TTC23: variants seen among roughly 807,000 people sequenced by gnomAD.
TTC23 encodes tetratricopeptide repeat domain 23.
Under a neutral mutation model 55.1 loss-of-function variants are expected in TTC23, and 58 were observed. The ratio of observed to expected loss-of-function variants is 1.05; its 90% CI spans 0.85 to 1.31. The LOEUF (loss-of-function observed/expected upper bound fraction) is 1.31, where lower values mean the gene tolerates loss of function less well. TTC23 is among the 50% of genes most tolerant of loss of function. TTC23 has a pLI of 0.00. For synonymous variants in TTC23, 203 were observed against 199.9 expected, an observed-to-expected ratio of 1.02 and a Z score of -0.13; for missense variants, 516 against 534.4, an observed-to-expected ratio of 0.97 and a Z score of 0.34.
chr15:99,211,850 C>A (rs2077063140), intron 8 of TTC23, among the ~76,000 whole-genome samples: 1 of 152,090 alleles, frequency 6.6e-6, no homozygotes, highest in Admixed American at 6.5e-5. Flanking sequence ...GCTTCTGACT[C>A]CAAAGACTAC....
At chr15:99,247,593 G>A (rs930420915) in intron 1 of TTC23, among the ~76,000 whole-genome samples, 1 of 152,126 alleles carries the variant, frequency 6.6e-6, no homozygotes, top group East Asian at 1.9e-4. Flanking sequence ...CTAAGTAAAA[G>A]AAACTAGATG....
rs879453365 is a variant in TTC23, at chr15:99,238,893, G to T, written c.-114+2472C>A. On this transcript the variant is annotated intron_variant, in intron 3 of 13. Coordinates refer to ENST00000394132, the MANE Select transcript of TTC23 (RefSeq NM_001288615.3). ...TACAGCACTTTTCCAGTCTTTTTTTGACCATGAGATTATCTTTTTTCTTGA... is the reference window on the plus strand; with the variant it reads ...TACAGCACTTTTCCAGTCTTTTTTTTACCATGAGATTATCTTTTTTCTTGA... 2.0e-5 allele frequency among the ~76,000 whole-genome samples: 3 copies of T among 150,826 alleles called. No homozygotes were observed. The East Asian group carries it at 5.8e-4, about 29-fold the overall frequency.
At chr15:99,240,684 A>T (rs1244893430) in intron 3 of TTC23, among the ~76,000 whole-genome samples, 2 of 152,224 alleles carry the variant, frequency 1.3e-5, no homozygotes, top group Non-Finnish European at 1.5e-5. Context: ...GTAGGAAAGT[A>T]GGTCTCTGTA....
intron 12 of TTC23, chr15:99,148,385 A>AAAAAAAAAAAAAAAAAAAC (rs1555495125): frequency 6.8e-6 from 1 of 146,176 alleles, no homozygotes; most frequent in African/African-American, 2.5e-5. Context: ...AAAAAAAAAA[A>AAAAAAAAAAAAAAAAAAAC]AAGACCTTCT....
chr15:99,238,828 T>C (rs911522375), intron 3 of TTC23, among the ~76,000 whole-genome samples: 2 of 152,218 alleles, frequency 1.3e-5, no homozygotes, highest in African/African-American at 4.8e-5. Flanking sequence ...CTCAAAACTT[T>C]AATATAATAC....
chr15:99,137,856 G>A lies in TTC23; in HGVS notation c.*154C>T. 8.1e-7 allele frequency: 1 copy of A among 1,228,184 alleles called. No homozygotes were observed. Among genetic ancestry groups the A allele is most frequent in the South Asian group, 1.5e-5 (1 of 64,844 alleles). The allele number at this position is 1,228,184 out of a possible 1,614,324, so 76.1% of individuals were successfully genotyped here. On this transcript the variant is annotated 3_prime_UTR_variant, in exon 14 of 14. Coordinates refer to ENST00000394132, the MANE Select transcript of TTC23 (RefSeq NM_001288615.3). ...ACTGTCAAAATGTGGCCCACGGGAG[G>A]CTTATGGTCTCACTGTTGCATGTTG...
rs533295541 is a variant in TTC23, at chr15:99,149,320, T to C, written c.1143+6828A>G. On this transcript the variant is annotated intron_variant, in intron 12 of 13. Transcript: ENST00000394132. The stretch of plus-strand genomic sequence containing the variant: ...AAATACGAGTGCCCATCATTTCTCT[T>C]GGAGCCTGGCAAACAGGTGTCTTTA... Among the ~76,000 whole-genome samples, 17 of 152,338 alleles carry C rather than the reference T, an allele frequency of 1.1e-4. No individual in the cohort carries two copies. The East Asian group carries it at 3.1e-3, about 28-fold the overall frequency.
At chr15:99,193,871 T>C (rs923459304) in intron 9 of TTC23, among the ~76,000 whole-genome samples, 7 of 152,098 alleles carry the variant, frequency 4.6e-5, no homozygotes, top group Admixed American at 6.5e-5. Context: ...TAGTTGGATG[T>C]GGTTGTGGGT....
Position 99,199,845 on chromosome 15 carries a change from G to C in TTC23, c.759+74C>G, listed in dbSNP as rs76859093. 119 of 1,420,664 alleles carry C rather than the reference G, an allele frequency of 8.4e-5. 1 individual carries two copies. In the African/African-American group the frequency reaches 1.6e-3, roughly 19 times the overall value. 88.0% of individuals were successfully genotyped at this position (1,420,664 alleles called of 1,614,324 possible). ...AATGACAAAGCCAGGCATTTTCAGAGCTGCTGTGCCACTTGTGTCTATGAA... is the reference window on the plus strand; with the variant it reads ...AATGACAAAGCCAGGCATTTTCAGACCTGCTGTGCCACTTGTGTCTATGAA... On this transcript the variant is annotated intron_variant, in intron 9 of 13. Coordinates refer to ENST00000394132, the MANE Select transcript of TTC23 (RefSeq NM_001288615.3).
At chr15:99,208,976 T>C (rs549670553) in intron 8 of TTC23, among the ~76,000 whole-genome samples, 4 of 152,312 alleles carry the variant, frequency 2.6e-5, no homozygotes, top group Admixed American at 6.5e-5. Flanking sequence ...AGAAATACAC[T>C]AGACAGATGA....
At chr15:99,193,389 T>C (rs1006139102) in intron 9 of TTC23, among the ~76,000 whole-genome samples, 14 of 152,150 alleles carry the variant, frequency 9.2e-5, no homozygotes, top group Admixed American at 5.2e-4. Context: ...ATCATGGGGG[T>C]AGGTCTTTCC....
rs558750026 is a variant in TTC23, at chr15:99,191,022, C to T, written c.759+8897G>A. 3.9e-5 allele frequency among the ~76,000 whole-genome samples: 6 copies of T among 152,112 alleles called. No individual in the cohort carries two copies. In the East Asian group the frequency reaches 5.8e-4, roughly 15 times the overall value. ...CTGGTCTTGAACTTCTGAGCTCAAG[C>T]GATCTGCCTGCCTTGGCCTTCCAAA... On this transcript the variant is annotated intron_variant, in intron 9 of 13. Coordinates refer to ENST00000394132, the MANE Select transcript of TTC23 (RefSeq NM_001288615.3).
chr15:99,147,514 C>T (rs918840538), intron 12 of TTC23, among the ~76,000 whole-genome samples: 32 of 151,706 alleles, frequency 2.1e-4, no homozygotes, highest in Non-Finnish European at 3.5e-4. Flanking sequence ...CGTGAGCCAC[C>T]GCGCCCAGCC....
chr15:99,223,548 C>G (rs1279847242), intron 5 of TTC23, among the ~76,000 whole-genome samples: 2 of 152,204 alleles, frequency 1.3e-5, no homozygotes, highest in Non-Finnish European at 2.9e-5. Context: ...GCCTCCAGAA[C>G]TGTGAGGAAA....
intron 8 of TTC23, among the ~76,000 whole-genome samples, chr15:99,200,400 A>G (rs2076102724): frequency 6.6e-6 from 1 of 152,234 alleles, no homozygotes; most frequent in Non-Finnish European, 1.5e-5. Context: ...TATTAAGAAG[A>G]TTAAATTAAT....
intron 5 of TTC23, among the ~76,000 whole-genome samples, chr15:99,225,017 C>A (rs538755620): frequency 6.6e-6 from 1 of 152,056 alleles, no homozygotes; most frequent in African/African-American, 2.4e-5. Context: ...ATGAAAGACA[C>A]GGAAATGATG....
rs2076048495 is a variant in TTC23 at position 99,199,758 on chromosome 15, C to A, written c.759+161G>T. On this transcript the variant is annotated intron_variant, in intron 9 of 13. Coordinates refer to ENST00000394132, the MANE Select transcript of TTC23 (RefSeq NM_001288615.3). ...GTACCAGCACTTGCCCACGTGACCA[C>A]CTGATAAGAACACCTTTGTTGAGCA... 1.3e-5 allele frequency among the ~76,000 whole-genome samples: 2 copies of A among 152,200 alleles called. 1 individual carries two copies. Among genetic ancestry groups the A allele is most frequent in the South Asian group, 4.1e-4 (2 of 4,836 alleles).
chr15:99,170,487 T>C (rs1001932580), intron 10 of TTC23, among the ~76,000 whole-genome samples: 1 of 152,184 alleles, frequency 6.6e-6, no homozygotes, highest in Non-Finnish European at 1.5e-5. Flanking sequence ...AGAGCTAAGA[T>C]TCCCCCTTGG....
intron 9 of TTC23, among the ~76,000 whole-genome samples, chr15:99,190,436 C>A (rs554648045): frequency 6.6e-6 from 1 of 152,012 alleles, no homozygotes; most frequent in African/African-American, 2.4e-5. Flanking sequence ...CCATGCCTAG[C>A]TAATTTCCTT....
Sources: allele counts gnomAD v4.1 joint callset (sites outside exome capture counted in the v4.1 genomes callset), GRCh38; gene constraint gnomAD v4.1.1; transcripts MANE v1.5; gene names NCBI Gene and HGNC (gene_info 2026-07-23, HGNC 2026-07-21).